The following RTL9 variants were observed in gnomAD, a reference collection of about 807,000 sequenced individuals.
The protein encoded by RTL9 is retrotransposon Gag-like protein 9.
Under a neutral mutation model 44.7 loss-of-function variants are expected in RTL9, and 19 were observed. The ratio of observed to expected loss-of-function variants is 0.42; its 90% confidence interval spans 0.30 to 0.62. The LOEUF (loss-of-function observed/expected upper bound fraction) is 0.62. RTL9 is among the 20% of genes least tolerant of loss of function. The probability of loss-of-function intolerance (pLI) is 0.16; values close to 1 mark genes in which losing one functional copy is unlikely to be tolerated. For missense variants in RTL9, 1,105 were observed against 1,080.6 expected, an observed-to-expected ratio of 1.02 and a Z score of -0.32; for synonymous variants, 407 against 398.9, an observed-to-expected ratio of 1.02 and a Z score of -0.24.
At chrX:110,367,985 T>C (rs2068309701) in intron 1 of RTL9, among the ~76,000 whole-genome samples, 1 of 100,085 alleles carries the variant, frequency 1.0e-5, no homozygotes, top group Admixed American at 1.1e-4. Flanking sequence ...TTATTATTAT[T>C]ATTATTATTA....
chrX:110,360,102 G>A (rs1200527399), intron 1 of RTL9, among the ~76,000 whole-genome samples: 1 of 111,410 alleles, frequency 9.0e-6, no homozygotes, highest in Non-Finnish European at 1.9e-5. Context: ...ACTGTCTCTG[G>A]GCTCAGTTGA....
intron 1 of RTL9, among the ~76,000 whole-genome samples, chrX:110,422,326 A>T (rs758970116): frequency 8.9e-6 from 1 of 112,806 alleles, no homozygotes; most frequent in East Asian, 2.8e-4. Flanking sequence ...ACCTGTTGCC[A>T]TGTGCCACTC....
intron 1 of RTL9, among the ~76,000 whole-genome samples, chrX:110,406,258 G>GC (rs1270191081): frequency 1.0e-5 from 1 of 100,000 alleles, no homozygotes; most frequent in Non-Finnish European, 2.0e-5. Flanking sequence ...CCCTCCCCTA[G>GC]CCCCCCACGC....
At chrX:110,451,924 C>T (rs2068944528) in exon 1 of RTL9, 1 of 1,211,320 alleles carries the variant, frequency 8.3e-7, no homozygotes, top group African/African-American at 1.7e-5. Context: ...GCCTCTGGAG[C>T]CATGACCACC....
At chrX:110,454,800 C>A (rs1473565679) in intron 1 of RTL9, 136 bp downstream of exon 3, 1 of 540,495 alleles carries the variant, frequency 1.9e-6, no homozygotes, top group Admixed American at 4.0e-5. Context: ...CATTAAACCC[C>A]AGCAGTTTCA....
intron 1 of RTL9, among the ~76,000 whole-genome samples, chrX:110,377,925 C>T (rs910079078): frequency 1.0e-5 from 1 of 99,733 alleles, no homozygotes; most frequent in Non-Finnish European, 2.0e-5. Flanking sequence ...AGGAGAATGG[C>T]GTGAACCCGG....
At chrX:110,368,363 A>G (rs12842304) in intron 1 of RTL9, among the ~76,000 whole-genome samples, 1 of 110,389 alleles carries the variant, frequency 9.1e-6, no homozygotes, top group Non-Finnish European at 1.9e-5. Flanking sequence ...CATTCCCATT[A>G]CCTCTCTGAC....
intron 1 of RTL9, among the ~76,000 whole-genome samples, chrX:110,444,899 C>T (rs920522454): frequency 1.8e-5 from 2 of 112,509 alleles, no homozygotes; most frequent in African/African-American, 6.5e-5. Flanking sequence ...AAAATTGGGA[C>T]ACTGCCCATT....
exon 1 of RTL9, chrX:110,454,203 G>A: frequency 1.7e-6 from 2 of 1,211,860 alleles, no homozygotes; most frequent in Non-Finnish European, 2.2e-6. Context: ...TCATCTGGGA[G>A]CAGCAGAGAG....
intron 1 of RTL9, among the ~76,000 whole-genome samples, chrX:110,393,922 C>T (rs2068511650): frequency 1.8e-5 from 2 of 112,123 alleles, no homozygotes; most frequent in African/African-American, 3.2e-5. Flanking sequence ...AATGAAAACT[C>T]GTAAAGTACA....
At chrX:110,391,801 A>G (rs2068495483) in intron 1 of RTL9, among the ~76,000 whole-genome samples, 1 of 112,482 alleles carries the variant, frequency 8.9e-6, no homozygotes, top group South Asian at 3.7e-4. Context: ...TGGACCGAAC[A>G]GCATAGTCGT....
intron 1 of RTL9, among the ~76,000 whole-genome samples, chrX:110,413,301 C>T (rs1030410663): frequency 1.8e-5 from 2 of 111,485 alleles, no homozygotes; most frequent in Non-Finnish European, 3.8e-5. Context: ...CGGCGGATCT[C>T]ACGGCTTTGC....
chrX:110,397,932 A>T (rs1475090827), intron 1 of RTL9, among the ~76,000 whole-genome samples: 2 of 112,277 alleles, frequency 1.8e-5, no homozygotes, highest in East Asian at 5.6e-4. Flanking sequence ...TCTAAAGCTG[A>T]CAAGAAAGAC....
exon 1 of RTL9, chrX:110,453,490 C>T: frequency 3.3e-6 from 4 of 1,211,929 alleles, no homozygotes; most frequent in Non-Finnish European, 4.5e-6. Flanking sequence ...AGAGCCCCGG[C>T]CTCTGGAACA....
At chrX:110,360,889 C>A (rs1024271992) in intron 1 of RTL9, among the ~76,000 whole-genome samples, 4 of 111,551 alleles carry the variant, frequency 3.6e-5, no homozygotes, top group African/African-American at 1.3e-4. Context: ...GGACTGACTT[C>A]TGGAGTTGAA....
At chrX:110,362,479 C>G (rs949169800) in intron 1 of RTL9, among the ~76,000 whole-genome samples, 1 of 112,234 alleles carries the variant, frequency 8.9e-6, no homozygotes, top group South Asian at 3.6e-4. Flanking sequence ...CTAGCAATAG[C>G]TTCTATTGAC....
At chrX:110,452,453 A>G (rs1391270518) in exon 1 of RTL9, 2 of 1,211,896 alleles carry the variant, frequency 1.7e-6, no homozygotes, top group East Asian at 5.9e-5. Flanking sequence ...TGGCCTCTGG[A>G]GCATTGTCCA....
rs1415748143 is a variant in RTL9, at chrX:110,372,303, G to T, written c.-168+13387G>T. Among the ~76,000 whole-genome samples, 15 of 112,579 alleles carry T rather than the reference G, an allele frequency of 1.3e-4. No homozygotes were observed. The Admixed American group carries it at 1.4e-3, about 11-fold the overall frequency. ...TCTTTCAAATTATTTGATTTTAAAA[G>T]AAATGCCTACACATTATTTTTTAAA... is the stretch of plus-strand genomic sequence containing the variant. On this transcript the variant is annotated intron_variant, in intron 1 of 2. Transcript: ENST00000520821.
At chrX:110,451,737 C>G in exon 1 of RTL9, 1 of 1,211,349 alleles carries the variant, frequency 8.3e-7, no homozygotes, top group Non-Finnish European at 1.1e-6. Context: ...GGCGATGTCC[C>G]CATGGTCAAC....
Sources: allele counts gnomAD v4.1 joint callset (sites outside exome capture counted in the v4.1 genomes callset), GRCh38; gene constraint gnomAD v4.1.1; transcripts MANE v1.5; gene names NCBI Gene and HGNC (gene_info 2026-07-23, HGNC 2026-07-21).